Variants in ADCY2 observed in about 807,000 individuals in gnomAD.
ADCY2 encodes adenylate cyclase 2, also known as adenylate cyclase type 2.
Under a neutral mutation model 125.2 loss-of-function variants are expected in ADCY2, and 31 were observed. That is an observed-to-expected ratio of 0.25 (90% CI 0.19 to 0.33). The LOEUF (loss-of-function observed/expected upper bound fraction) is 0.33. ADCY2 is among the 10% of genes least tolerant of loss of function. ADCY2 has a pLI of 1.00. For synonymous variants in ADCY2, 512 were observed against 548.4 expected, an observed-to-expected ratio of 0.93 and a Z score of 0.93; for missense variants, 904 against 1,418.2, an observed-to-expected ratio of 0.64 and a Z score of 5.82.
intron 2 of ADCY2, among the ~76,000 whole-genome samples, chr5:7,467,151 A>C (rs1742152037): frequency 6.6e-6 from 1 of 152,232 alleles, no homozygotes; most frequent in South Asian, 2.1e-4. Context: ...AGTTCATGGC[A>C]AATCCAGGCT....
At chr5:7,564,967 T>C (rs904870711) in intron 3 of ADCY2, among the ~76,000 whole-genome samples, 6 of 152,232 alleles carry the variant, frequency 3.9e-5, no homozygotes, top group Non-Finnish European at 8.8e-5. Flanking sequence ...AAGGTTTCTC[T>C]AAGGTTTATG....
At chr5:7,693,838 G>GC in intron 5 of ADCY2, among the ~76,000 whole-genome samples, 1 of 152,318 alleles carries the variant, frequency 6.6e-6, no homozygotes, top group Middle Eastern at 3.4e-3. Context: ...AGCACAAGAA[G>GC]CACTGTGGAT....
At chr5:7,748,909 C>G (rs1742717943) in intron 15 of ADCY2, among the ~76,000 whole-genome samples, 1 of 152,134 alleles carries the variant, frequency 6.6e-6, no homozygotes, top group Non-Finnish European at 1.5e-5. Flanking sequence ...AACTTGCCTT[C>G]CCAGTGGTAT....
At position 7,520,887 on chromosome 5, in the gene ADCY2, C is replaced by A; in HGVS notation, c.558C>A (p.His186Gln). 2 of 1,614,078 alleles carry A rather than the reference C, an allele frequency of 1.2e-6. No individual in the cohort carries two copies. Among genetic ancestry groups the A allele is most frequent in the Non-Finnish European group, 1.7e-6 (2 of 1,180,034 alleles). ...CLSATPGGKEHLVWQILANVI... is the reference protein window; with the variant it reads ...CLSATPGGKEQLVWQILANVI... ...CTGCAACACCGGGAGGCAAGGAGCA[C>A]CTGGTCTGGCAGGTGGGTGCACCTC... The change falls in exon 3 of 25, where the codon CAC becomes CAA. Residue 186 changes from histidine to glutamine, a missense_variant. Around this residue, in one of 7 missense-constraint regions of ADCY2, gnomAD observed 121 missense variants for 161.5 expected, o/e 0.75. Coordinates refer to ENST00000338316, the MANE Select transcript of ADCY2 (RefSeq NM_020546.3).
intron 12 of ADCY2, among the ~76,000 whole-genome samples, chr5:7,718,293 C>T (rs1269184683): frequency 4.0e-5 from 6 of 151,722 alleles, no homozygotes; most frequent in African/African-American, 9.7e-5. Context: ...GGATTACAGG[C>T]GATCGCCACC....
chr5:7,632,973 A>G (rs113379587), intron 4 of ADCY2, among the ~76,000 whole-genome samples: 3,952 of 152,282 alleles, frequency 0.026, 180 homozygotes, highest in African/African-American at 0.09. Flanking sequence ...ACCTCCTTTA[A>G]GGAGGAGTCA....
At chr5:7,415,327 A>G (rs1159461682) in intron 2 of ADCY2, among the ~76,000 whole-genome samples, 2 of 152,172 alleles carry the variant, frequency 1.3e-5, no homozygotes, top group Admixed American at 6.5e-5. Context: ...CTCTGTCCTC[A>G]TTTTAGCAAA....
intron 3 of ADCY2, among the ~76,000 whole-genome samples, chr5:7,573,917 C>A (rs1232764721): frequency 4.4e-4 from 43 of 98,422 alleles, no homozygotes; most frequent in Non-Finnish European, 7.4e-4. Context: ...CCCCTCCCCC[C>A]ACCCCACAAC....
At chr5:7,706,633 A>G in intron 7 of ADCY2, 111 bp from the exon 8 acceptor site, 1 of 1,311,730 alleles carries the variant, frequency 7.6e-7, no homozygotes, top group Non-Finnish European at 1.1e-6. Flanking sequence ...GTTTATGGTC[A>G]TTTCCGACAG....
In ADCY2 at chr5:7,729,598, A is replaced by AT. The variant is rs58055964; in HGVS notation, c.1871+2346dup. ...TCTAATGGATTGATCAAGTTCTTTC[A>AT]TTTTTTTTTATGGTAAATTAAAAGC... is the stretch of plus-strand genomic sequence containing the variant. On this transcript the variant is annotated intron_variant, in intron 14 of 24. Coordinates refer to ENST00000338316, the MANE Select transcript of ADCY2 (RefSeq NM_020546.3). Among the ~76,000 whole-genome samples the AT allele has an allele frequency of 9.5e-4, 138 of 145,762 alleles. 1 individual carries two copies. Among genetic ancestry groups the AT allele is most frequent in the South Asian group, 7.0e-3 (32 of 4,558 alleles).
At chr5:7,436,360 G>T (rs1243042330) in intron 2 of ADCY2, among the ~76,000 whole-genome samples, 1 of 152,164 alleles carries the variant, frequency 6.6e-6, no homozygotes, top group African/African-American at 2.4e-5. Context: ...CTATGGAAAT[G>T]ACATTGCAGT....
At chr5:7,660,216 G>A (rs1179940220) in intron 4 of ADCY2, among the ~76,000 whole-genome samples, 1 of 129,068 alleles carries the variant, frequency 7.7e-6, no homozygotes, top group East Asian at 2.6e-4. Flanking sequence ...GAAAAGGATG[G>A]AGGGAGGGAG....
chr5:7,812,345 A>G (rs1744970600), intron 22 of ADCY2, among the ~76,000 whole-genome samples: 1 of 152,206 alleles, frequency 6.6e-6, no homozygotes, highest in Admixed American at 6.5e-5. Context: ...AAGAAAATGA[A>G]CTGTCCCTGT....
chr5:7,651,726 A>G (rs964882407), intron 4 of ADCY2, among the ~76,000 whole-genome samples: 1 of 152,196 alleles, frequency 6.6e-6, no homozygotes, highest in Non-Finnish European at 1.5e-5. Flanking sequence ...AATCCAATCA[A>G]GTTGACACTC....
intron 24 of ADCY2, among the ~76,000 whole-genome samples, chr5:7,822,833 T>G (rs1032573263): frequency 3.3e-5 from 5 of 152,228 alleles, no homozygotes; most frequent in Admixed American, 2.0e-4. Context: ...AAAATGAATT[T>G]CTGCTAAATG....
In ADCY2 at chr5:7,730,453, A is replaced by T. The variant is rs12657814; in HGVS notation, c.1871+3192A>T. Among the ~76,000 whole-genome samples, 224 of 152,310 alleles carry T rather than the reference A, an allele frequency of 1.5e-3. 4 individuals are homozygous for T. In the East Asian group the frequency reaches 0.032, roughly 22 times the overall value. ...TAGTCAATGTTTATTTAAATCTGCCACATTCTTTACCAATTAATTTGCTCA... is the reference window on the plus strand; with the variant it reads ...TAGTCAATGTTTATTTAAATCTGCCTCATTCTTTACCAATTAATTTGCTCA... On this transcript the variant is annotated intron_variant, in intron 14 of 24. Transcript: ENST00000338316.
intron 22 of ADCY2, among the ~76,000 whole-genome samples, chr5:7,809,560 G>A (rs1744868664): frequency 6.6e-6 from 1 of 152,182 alleles, no homozygotes; most frequent in African/African-American, 2.4e-5. Flanking sequence ...AAGATATTCA[G>A]TTACAAAATA....
rs59841590 is a variant in ADCY2, at chr5:7,581,819, C to CAAAAA, written c.571-44336_571-44332dup. Among the ~76,000 whole-genome samples the CAAAAA allele has an allele frequency of 1.9e-3, 237 of 123,794 alleles. 1 individual carries two copies. Among genetic ancestry groups the CAAAAA allele is most frequent in the African/African-American group, 7.2e-3 (232 of 32,110 alleles). 81.2% of individuals were successfully genotyped at this position (123,794 alleles called of 152,430 possible). On this transcript the variant is annotated intron_variant, in intron 3 of 24. Transcript: ENST00000338316. ...CTGGCGACAGAGCAAGACTCAGTCTCAAAAAAAAAAAAAAAAGAAAAAGAA... is the reference window on the plus strand; with the variant it reads ...CTGGCGACAGAGCAAGACTCAGTCTCAAAAAAAAAAAAAAAAAAAAAGAAAAAGAA...
chr5:7,743,808 A>AT lies in ADCY2; in HGVS notation c.1956+59dup, dbSNP rs1742517933. 1.5e-5 allele frequency: 24 copies of AT among 1,554,098 alleles called. No individual in the cohort carries two copies. In the South Asian group the frequency reaches 2.5e-4, roughly 16 times the overall value. ...AAGTATGCTCATTTCATGAAAGCTGATTTCTTGCCTAAAACTTTCCAAAAC... is the reference window on the plus strand; with the variant it reads ...AAGTATGCTCATTTCATGAAAGCTGATTTTCTTGCCTAAAACTTTCCAAAAC... On this transcript the variant is annotated intron_variant, in intron 15 of 24. Transcript: ENST00000338316.
Sources: allele counts gnomAD v4.1 joint callset (sites outside exome capture counted in the v4.1 genomes callset), GRCh38; gene constraint gnomAD v4.1.1; regional missense constraint gnomAD v4.1.1; transcripts MANE v1.5; gene names NCBI Gene and HGNC (gene_info 2026-07-23, HGNC 2026-07-21).